CCDC110: variants seen among roughly 807,000 people sequenced by gnomAD.
CCDC110 encodes coiled-coil domain containing 110.
Under a neutral mutation model 77.1 loss-of-function variants are expected in CCDC110, and 70 were observed. The ratio of observed to expected loss-of-function variants is 0.91; its 90% CI spans 0.75 to 1.11. The LOEUF (loss-of-function observed/expected upper bound fraction) is 1.11, where lower values mean the gene tolerates loss of function less well. Among genes scored for constraint, CCDC110 ranks in the 50% least tolerant of loss-of-function variants. The pLI, the probability that CCDC110 is intolerant of heterozygous loss-of-function variation, is 0.00. For missense variants in CCDC110, 868 were observed against 942.9 expected (o/e 0.92, Z 1.04); for synonymous variants, 295 against 312.5 (o/e 0.94, Z 0.59).
At chr4:185,466,287 A>G (rs2095655826) in intron 2 of CCDC110, among the ~76,000 whole-genome samples, 1 of 152,118 alleles carries the variant, frequency 6.6e-6, no homozygotes, top group African/African-American at 2.4e-5. Flanking sequence ...AGGCAGGAGA[A>G]TCGTTTGAAC....
At chr4:185,464,484 C>T (rs1266861098) in intron 2 of CCDC110, among the ~76,000 whole-genome samples, 1 of 152,080 alleles carries the variant, frequency 6.6e-6, no homozygotes, top group Non-Finnish European at 1.5e-5. Context: ...AAAATGGCAG[C>T]TAAACTCCTG....
chr4:185,448,904 T>C (rs943692369), intron 6 of CCDC110, among the ~76,000 whole-genome samples: 28 of 152,208 alleles, frequency 1.8e-4, no homozygotes, highest in African/African-American at 6.8e-4. Flanking sequence ...AAGTGATTAT[T>C]CTTTTGAAAA....
intron 6 of CCDC110, among the ~76,000 whole-genome samples, chr4:185,456,739 C>A (rs2095636570): frequency 6.6e-6 from 1 of 152,104 alleles, no homozygotes. Flanking sequence ...TAATAGAAAT[C>A]ATTTAGCAAT....
rs550126392 is a variant in CCDC110, at chr4:185,453,625, G to T, written c.2461+4501C>A. 2.1e-5 allele frequency among the ~76,000 whole-genome samples: 3 copies of T among 144,830 alleles called. No individual in the cohort carries two copies. The East Asian group carries it at 6.1e-4, about 29-fold the overall frequency. ...TGCAGTGGTGCGATCATGGCTCACTGCAGCCTCAACCTCCCAGGCTCAAGC... is the reference window on the plus strand; with the variant it reads ...TGCAGTGGTGCGATCATGGCTCACTTCAGCCTCAACCTCCCAGGCTCAAGC... On this transcript the variant is annotated intron_variant, in intron 6 of 6. Transcript: ENST00000307588.
chr4:185,458,772 T>C lies in CCDC110; in HGVS notation c.1815A>G (p.Glu605=), dbSNP rs746426576. Residue 605 remains glutamate, a synonymous_variant, in exon 6 of 7, where the codon GAA becomes GAG. Transcript: ENST00000307588. ...LLKEKSSLGN[E]LKESQLEIIQ... ...TTATCTCTAGCTGGCTTTCTTTTAG[T>C]TCATTTCCAAGTGAGCTTTTTTCTT... 107 of 1,610,796 alleles carry C rather than the reference T, an allele frequency of 6.6e-5. No homozygotes were observed. The highest frequency in any genetic ancestry group is 8.4e-5 in the Non-Finnish European group (99 of 1,179,340).
chr4:185,445,751 G>A (rs565790747), intron 6 of CCDC110, among the ~76,000 whole-genome samples: 41 of 152,114 alleles, frequency 2.7e-4, no homozygotes, highest in Non-Finnish European at 1.8e-4. Context: ...AAAAACAGTA[G>A]TACATCTTTA....
intron 6 of CCDC110, among the ~76,000 whole-genome samples, chr4:185,453,287 T>C (rs1451585093): frequency 1.3e-5 from 2 of 152,120 alleles, no homozygotes; most frequent in Non-Finnish European, 2.9e-5. Context: ...TGTAAATAAG[T>C]TGTAAGGTAA....
intron 6 of CCDC110, chr4:185,449,470 CTG>C (rs1344651529): frequency 1.8e-6 from 1 of 556,640 alleles, no homozygotes; most frequent in East Asian, 3.3e-5. Flanking sequence ...TTGCAGTGAA[CTG>C]TGATTGCACC....
intron 2 of CCDC110, among the ~76,000 whole-genome samples, chr4:185,469,650 T>G (rs1300472366): frequency 1.3e-5 from 2 of 152,146 alleles, no homozygotes; most frequent in Non-Finnish European, 1.5e-5. Flanking sequence ...CCTGCATATC[T>G]CAAGGGTGGA....
intron 2 of CCDC110, among the ~76,000 whole-genome samples, chr4:185,464,566 AC>A (rs2153323331): frequency 6.6e-6 from 1 of 152,254 alleles, no homozygotes; most frequent in Non-Finnish European, 1.5e-5. Context: ...AGGAAACACA[AC>A]GTTTTTCAGA....
chr4:185,465,728 C>T (rs2095654414), intron 2 of CCDC110, among the ~76,000 whole-genome samples: 1 of 152,018 alleles, frequency 6.6e-6, no homozygotes. Flanking sequence ...AGGGCTACCG[C>T]AATAATCTAA....
chr4:185,471,239 TTAGGAG>T, intron 1 of CCDC110, 190 bp from the exon 2 acceptor site: 1 of 23,510 alleles, frequency 4.3e-5, no homozygotes. Context: ...GCGGAGGGAA[TTAGGAG>T]GGGGCGGGTT....
intron 6 of CCDC110, among the ~76,000 whole-genome samples, chr4:185,448,349 A>G (rs571056469): frequency 6.6e-6 from 1 of 152,258 alleles, no homozygotes; most frequent in African/African-American, 2.4e-5. Flanking sequence ...TACATTTTGA[A>G]TGGTAGCTTA....
chr4:185,445,353 C>T lies in CCDC110; in HGVS notation c.*149G>A. The T allele has an allele frequency of 1.3e-6, 1 of 749,868 alleles. No homozygotes were observed. Among genetic ancestry groups the T allele is most frequent in the South Asian group, 2.0e-5 (1 of 50,810 alleles). The allele number at this position is 749,868 out of a possible 1,614,324, so 46.5% of individuals were successfully genotyped here. ...GCTGAGAAAGCTTAAGTTATCTGCA[C>T]CAAACCATTCTGTGCATAATTTTTA... On this transcript the variant is annotated 3_prime_UTR_variant, in exon 7 of 7. Transcript: ENST00000307588.
intron 2 of CCDC110, among the ~76,000 whole-genome samples, chr4:185,466,718 T>A (rs1057085164): frequency 6.6e-6 from 1 of 151,982 alleles, no homozygotes; most frequent in Non-Finnish European, 1.5e-5. Context: ...CACAGGTGTG[T>A]GCCACCACAT....
chr4:185,449,306 A>G (rs2095624311), intron 6 of CCDC110, among the ~76,000 whole-genome samples: 2 of 152,154 alleles, frequency 1.3e-5, no homozygotes, highest in African/African-American at 4.8e-5. Context: ...AGATCGCTTG[A>G]GCCCAGGATT....
rs1405420073 is a variant in CCDC110 at position 185,459,799 on chromosome 4, G to T, written c.788C>A (p.Thr263Lys). ...AGTTTGTAAAGTCTGAAGTTCATTT[G>T]TAAGTGCCACTTCCCCATCATGTGA... The part of the protein sequence containing the change: ...QKSHDGEVAL[T>K]NELQTLQTDP... Residue 263 changes from threonine to lysine, a missense_variant, in exon 6 of 7, where the codon ACA (threonine) becomes AAA (lysine). Physicochemically the swap from Thr to Lys is moderately conservative, Grantham distance 78. Coordinates refer to ENST00000307588, the MANE Select transcript of CCDC110 (RefSeq NM_152775.4). 2 of 1,613,580 alleles carry T rather than the reference G, an allele frequency of 1.2e-6. No homozygotes were observed. The highest frequency in any genetic ancestry group is 2.7e-5 in the African/African-American group (2 of 74,998).
At chr4:185,466,913 T>C (rs914903122) in intron 2 of CCDC110, among the ~76,000 whole-genome samples, 1 of 151,830 alleles carries the variant, frequency 6.6e-6, no homozygotes, top group African/African-American at 2.4e-5. Context: ...TCACTTTTGA[T>C]TGATCAAGGA....
At chr4:185,456,389 G>A (rs1283316290) in intron 6 of CCDC110, among the ~76,000 whole-genome samples, 3 of 150,812 alleles carry the variant, frequency 2.0e-5, no homozygotes, top group African/African-American at 7.3e-5. Flanking sequence ...ACGACCCAAA[G>A]GAATGAAATT....
Sources: gnomAD v4.1 joint callset for allele counts (sites outside exome capture counted in the v4.1 genomes callset) on GRCh38, gnomAD v4.1.1 for gene constraint, MANE v1.5 for transcripts, NCBI Gene and HGNC (gene_info 2026-07-23, HGNC 2026-07-21) for gene names.